Variants in MTMR6 observed in about 807,000 individuals in gnomAD.
The protein encoded by MTMR6 is myotubularin related protein 6.
Under a neutral mutation model 80.1 loss-of-function variants are expected in MTMR6, and 47 were observed. The observed-to-expected ratio is 0.59, with a 90% CI of 0.46 to 0.75. The LOEUF is 0.75. MTMR6 is among the 30% of genes least tolerant of loss of function. MTMR6 has a pLI of 0.00. For synonymous variants in MTMR6, 254 were observed against 253.0 expected, an observed-to-expected ratio of 1.00 and a Z score of -0.04; for missense variants, 629 against 730.9, an observed-to-expected ratio of 0.86 and a Z score of 1.61.
At chr13:25,285,026 A>C (rs1018481309) in intron 1 of MTMR6, among the ~76,000 whole-genome samples, 1 of 150,442 alleles carries the variant, frequency 6.6e-6, no homozygotes, top group Non-Finnish European at 1.5e-5. Flanking sequence ...TAGACAATTC[A>C]TCAGAAATTT....
At chr13:25,274,947 C>CACACACAT (rs1957676720) in intron 1 of MTMR6, among the ~76,000 whole-genome samples, 1 of 126,974 alleles carries the variant, frequency 7.9e-6, no homozygotes, top group African/African-American at 3.3e-5. Context: ...CAGACACACA[C>CACACACAT]ACACACACAC....
At chr13:25,283,077 C>A (rs1957892272) in intron 1 of MTMR6, among the ~76,000 whole-genome samples, 1 of 152,014 alleles carries the variant, frequency 6.6e-6, no homozygotes, top group Non-Finnish European at 1.5e-5. Flanking sequence ...TCACATTCAG[C>A]TAGCTACTAG....
chr13:25,249,453 G>C lies in MTMR6; in HGVS notation c.1645C>G (p.Leu549Val). 2 of 1,613,870 alleles carry C rather than the reference G, an allele frequency of 1.2e-6. No individual in the cohort carries two copies. Among genetic ancestry groups the C allele is most frequent in the Non-Finnish European group, 8.5e-7 (1 of 1,179,856 alleles). The change falls in exon 14 of 14, where the codon CTC becomes GTC. Residue 549 changes from leucine to valine, a missense_variant. Transcript: ENST00000381801. Reference sequence around the variant, plus strand: ...ACTGAATGTAACAATTCCTTGGTGAGGATGCCATCTGTTTGCTTATTTTTG... The same window carrying C: ...ACTGAATGTAACAATTCCTTGGTGACGATGCCATCTGTTTGCTTATTTTTG... ...QRKNKQTDGI[L>V]TKELLHSVHP...
chr13:25,256,677 T>C (rs1957215541), intron 9 of MTMR6, among the ~76,000 whole-genome samples: 1 of 152,062 alleles, frequency 6.6e-6, no homozygotes, highest in Non-Finnish European at 1.5e-5. Flanking sequence ...AAGGAGAAAA[T>C]CTATTCAACT....
At chr13:25,270,386 A>C (rs1050732006) in intron 2 of MTMR6, among the ~76,000 whole-genome samples, 1 of 152,210 alleles carries the variant, frequency 6.6e-6, no homozygotes, top group East Asian at 1.9e-4. Context: ...GGCAAACATA[A>C]GGGAATATAC....
At chr13:25,260,340 G>A (rs1030901709) in intron 6 of MTMR6, among the ~76,000 whole-genome samples, 2 of 151,864 alleles carry the variant, frequency 1.3e-5, no homozygotes, top group Non-Finnish European at 2.9e-5. Context: ...GGCTAATTAT[G>A]TATTTTTAGT....
chr13:25,267,199 A>C (rs896230804), intron 3 of MTMR6, among the ~76,000 whole-genome samples: 1 of 141,496 alleles, frequency 7.1e-6, no homozygotes, highest in Non-Finnish European at 1.5e-5. Context: ...GTGAGCTGAG[A>C]TTGTGCCACT....
chr13:25,274,943 C>CACACACACACACAT (rs1566042652), intron 1 of MTMR6, among the ~76,000 whole-genome samples: 41 of 46,662 alleles, frequency 8.8e-4, no homozygotes, highest in African/African-American at 2.2e-3. Flanking sequence ...TAGACAGACA[C>CACACACACACACAT]ACACACACAC....
At chr13:25,264,753 CAAAAAAAAAAAA>C (rs769719876) in intron 5 of MTMR6, among the ~76,000 whole-genome samples, 4 of 33,492 alleles carry the variant, frequency 1.2e-4, no homozygotes, top group Non-Finnish European at 2.0e-4. Context: ...AACTCCATCT[CAAAAAAAAAAAA>C]AAAAAAAAAA....
At chr13:25,278,810 T>C (rs1004529161) in intron 1 of MTMR6, among the ~76,000 whole-genome samples, 2 of 150,316 alleles carry the variant, frequency 1.3e-5, no homozygotes, top group Non-Finnish European at 3.0e-5. Context: ...ACTTGAACCC[T>C]GGAGGCAGAG....
chr13:25,283,318 C>T (rs1324886536), intron 1 of MTMR6, among the ~76,000 whole-genome samples: 1 of 152,170 alleles, frequency 6.6e-6, no homozygotes, highest in African/African-American at 2.4e-5. Context: ...TTTATTAATT[C>T]TCTCAGGGTT....
chr13:25,257,312 C>T lies in MTMR6; in HGVS notation c.979G>A (p.Val327Ile), dbSNP rs1957232988. 3 of 1,613,474 alleles carry T rather than the reference C, an allele frequency of 1.9e-6. No homozygotes were observed. Among genetic ancestry groups the T allele is most frequent in the Non-Finnish European group, 2.5e-6 (3 of 1,179,688 alleles). Residue 327 changes from valine to isoleucine, a missense_variant, in exon 9 of 14, where the codon GTT becomes ATT. Val to Ile is a conservative substitution (Grantham distance 29, BLOSUM62 3). Coordinates refer to ENST00000381801, the MANE Select transcript of MTMR6 (RefSeq NM_004685.5). ...TGCACCAACACACTTGCATTTTCAACTGTTATTGCCTGAAAAGAAAGATCA... is the reference window on the plus strand; with the variant it reads ...TGCACCAACACACTTGCATTTTCAATTGTTATTGCCTGAAAAGAAAGATCA... The part of the protein sequence containing the change: ...AAIFLAKAIT[V>I]ENASVLVHCS...
At chr13:25,266,069 C>T (rs1321528561) in intron 4 of MTMR6, 60 bp downstream of exon 4, 24 of 1,595,452 alleles carry the variant, frequency 1.5e-5, no homozygotes, top group Non-Finnish European at 8.6e-6. Flanking sequence ...GCTACGCTGA[C>T]ACTCTCTAAC....
At chr13:25,263,605 A>C (rs1348108892) in intron 5 of MTMR6, among the ~76,000 whole-genome samples, 1 of 152,192 alleles carries the variant, frequency 6.6e-6, no homozygotes, top group Non-Finnish European at 1.5e-5. Context: ...AGAATCCCAA[A>C]GCCAGGCACG....
chr13:25,251,804 T>C lies in MTMR6; in HGVS notation c.1479-29A>G. On this transcript the variant is annotated intron_variant, in intron 12 of 13. Coordinates refer to ENST00000381801, the MANE Select transcript of MTMR6 (RefSeq NM_004685.5). This position sits in a 1 kb window ranked among gnomAD's most constrained non-coding sequence, Gnocchi z 4.1. ...TATGACAAAAAAAAGTTTCAATAAA[T>C]TGTGTTTGAGAAAATTCAAGTATAA... 4 of 1,602,618 alleles carry C rather than the reference T, an allele frequency of 2.5e-6. No homozygotes were observed. Among genetic ancestry groups the C allele is most frequent in the Non-Finnish European group, 3.4e-6 (4 of 1,177,102 alleles).
rs771773145 is a variant in MTMR6, at chr13:25,249,357, C to T, written c.1741G>A (p.Ala581Thr). The T allele has an allele frequency of 1.2e-6, 2 of 1,614,098 alleles. No individual in the cohort carries two copies. The highest frequency in any genetic ancestry group is 1.7e-6 in the Non-Finnish European group (2 of 1,179,988). ...CTGCTGCCCTCTATAGTTCGAAGAG[C>T]ATCATTTACGGGTAGCAGAGTCTGC... ...KEQTLLPVND[A>T]LRTIEGSSPA... Residue 581 changes from alanine to threonine, a missense_variant, in exon 14 of 14, where the codon GCT becomes ACT. Ala to Thr is a moderately conservative substitution (Grantham distance 58). Transcript: ENST00000381801.
intron 10 of MTMR6, 78 bp downstream of exon 10, chr13:25,254,307 A>T: frequency 9.7e-7 from 1 of 1,035,608 alleles, no homozygotes; most frequent in East Asian, 2.4e-5. Context: ...GTGAGTTCAT[A>T]AGGAACAGAA....
chr13:25,278,489 G>A (rs1237160561), intron 1 of MTMR6, among the ~76,000 whole-genome samples: 2 of 152,116 alleles, frequency 1.3e-5, no homozygotes, highest in Non-Finnish European at 2.9e-5. Flanking sequence ...GGGAGGCCAA[G>A]GAGGGTGGAT....
chr13:25,270,503 C>T (rs1014604877), intron 2 of MTMR6, among the ~76,000 whole-genome samples: 6 of 152,076 alleles, frequency 3.9e-5, no homozygotes, highest in African/African-American at 1.4e-4. Context: ...AATAGCTATA[C>T]GGGAAGCCTT....
Sources: allele counts gnomAD v4.1 joint callset (sites outside exome capture counted in the v4.1 genomes callset), GRCh38; gene constraint gnomAD v4.1.1; non-coding constraint Gnocchi (gnomAD v3.1); transcripts MANE v1.5; gene names NCBI Gene and HGNC (gene_info 2026-07-23, HGNC 2026-07-21).